DENND5A: variants seen among roughly 807,000 people sequenced by gnomAD.
The protein encoded by DENND5A is DENN domain-containing protein 5A.
DENND5A carries 64 observed loss-of-function variants against 140.3 expected under a neutral mutation model. That is an observed-to-expected ratio of 0.46 (90% confidence interval 0.37 to 0.56). The LOEUF (loss-of-function observed/expected upper bound fraction) is 0.56, where lower values mean the gene tolerates loss of function less well. DENND5A is among the 20% of genes least tolerant of loss of function. The pLI, the probability that DENND5A is intolerant of heterozygous loss-of-function variation, is 0.00. For synonymous variants in DENND5A, 605 were observed against 607.7 expected (o/e 1.00, Z 0.07); for missense variants, 1,292 against 1,593.8 (o/e 0.81, Z 3.22).
At chr11:9,146,176 C>G (rs1266294185) in intron 16 of DENND5A, among the ~76,000 whole-genome samples, 2 of 152,160 alleles carry the variant, frequency 1.3e-5, no homozygotes, top group Non-Finnish European at 2.9e-5. Flanking sequence ...TCTCATGAAC[C>G]CTAATAACAA....
intron 5 of DENND5A, among the ~76,000 whole-genome samples, chr11:9,191,543 T>C (rs1370331938): frequency 6.6e-6 from 1 of 152,176 alleles, no homozygotes; most frequent in Non-Finnish European, 1.5e-5. Context: ...CCCGGCCAAC[T>C]TTTGGGTTTC....
At chr11:9,143,556 A>AGGGC in intron 19 of DENND5A, 71 bp from the exon 20 acceptor site, 1 of 1,296,970 alleles carries the variant, frequency 7.7e-7, no homozygotes, top group Non-Finnish European at 1.1e-6. Context: ...TGAGCAGGAG[A>AGGGC]CTGAGGACAC....
At chr11:9,262,069 TC>T (rs1445976095) in intron 1 of DENND5A, among the ~76,000 whole-genome samples, 3 of 152,192 alleles carry the variant, frequency 2.0e-5, no homozygotes, top group Non-Finnish European at 4.4e-5. Flanking sequence ...TTAACACATA[TC>T]CATTAAGACA....
chr11:9,178,464 G>T (rs57259738), intron 7 of DENND5A, 98 bp from the exon 8 acceptor site: 6 of 728,390 alleles, frequency 8.2e-6, no homozygotes, highest in Non-Finnish European at 1.4e-5. Flanking sequence ...AGGCTGCCTA[G>T]GTCTTTAAGA....
chr11:9,170,131 GA>G (rs1848322961), intron 9 of DENND5A, 182 bp from the exon 10 acceptor site: 1 of 415,240 alleles, frequency 2.4e-6, no homozygotes, highest in Non-Finnish European at 3.2e-6. Context: ...GACTGGACAT[GA>G]GAGAGACACC....
At chr11:9,146,154 T>C (rs1438750087) in intron 16 of DENND5A, among the ~76,000 whole-genome samples, 1 of 152,220 alleles carries the variant, frequency 6.6e-6, no homozygotes, top group Non-Finnish European at 1.5e-5. Flanking sequence ...TAGAGCACTC[T>C]TCAATCTATC....
rs145817013 is a variant in DENND5A at position 9,147,070 on chromosome 11, G to A, written c.2817C>T (p.Ala939=). The change falls in exon 16 of 23, where the codon GCC becomes GCT. Residue 939 remains alanine, a synonymous_variant. Coordinates refer to ENST00000328194, the MANE Select transcript of DENND5A (RefSeq NM_015213.4). ...QFLYHLLSFN[A]VDYFCFTNVF... Reference sequence around the variant, plus strand: ...CATTGGTGAAGCAAAAGTAATCGACGGCATTGAAAGACAGGAGGTGATAGA... The same window carrying A: ...CATTGGTGAAGCAAAAGTAATCGACAGCATTGAAAGACAGGAGGTGATAGA... The A allele has an allele frequency of 1.4e-5, 23 of 1,614,160 alleles. No individual in the cohort carries two copies. In the Middle Eastern group the frequency reaches 6.6e-4, roughly 46 times the overall value.
intron 4 of DENND5A, among the ~76,000 whole-genome samples, chr11:9,196,662 GC>G (rs958956998): frequency 6.6e-6 from 1 of 152,060 alleles, no homozygotes; most frequent in Non-Finnish European, 1.5e-5. Flanking sequence ...CCAGGCTGGA[GC>G]GCAGTGGTGG....
At chr11:9,195,887 T>C (rs550335895) in intron 4 of DENND5A, among the ~76,000 whole-genome samples, 20 of 151,998 alleles carry the variant, frequency 1.3e-4, no homozygotes, top group Non-Finnish European at 2.4e-4. Context: ...AGTGACATTG[T>C]CTCAAAAAAC....
At chr11:9,237,025 T>C (rs1851032115) in intron 1 of DENND5A, among the ~76,000 whole-genome samples, 1 of 151,770 alleles carries the variant, frequency 6.6e-6, no homozygotes, top group South Asian at 2.1e-4. Flanking sequence ...ACAACAGAAA[T>C]ATGGACAAAA....
intron 1 of DENND5A, among the ~76,000 whole-genome samples, chr11:9,241,996 A>G (rs1459948497): frequency 1.4e-5 from 2 of 146,854 alleles, no homozygotes; most frequent in Non-Finnish European, 3.0e-5. Context: ...CCTGGGCAAC[A>G]TGAGCGAAAC....
chr11:9,142,653 A>G, intron 21 of DENND5A, 69 bp downstream of exon 21: 8 of 1,594,404 alleles, frequency 5.0e-6, no homozygotes, highest in African/African-American at 1.3e-5. Flanking sequence ...GTCAGCACCC[A>G]TGCTATGCTG....
chr11:9,178,287 A>C lies in DENND5A; in HGVS notation c.1751T>G (p.Phe584Cys). The C allele has an allele frequency of 2.5e-6, 4 of 1,614,070 alleles. No individual in the cohort carries two copies. Among genetic ancestry groups the C allele is most frequent in the Non-Finnish European group, 2.5e-6 (3 of 1,179,932 alleles). Reference protein sequence around the residue: ...RFLETQMFASFIDNKIMCHDD... With the variant: ...RFLETQMFASCIDNKIMCHDD... ...ATGACACATTATTTTGTTGTCAATG[A>C]AAGATGCAAACATCTGGGTCTCCAG... Residue 584 changes from phenylalanine (F) to cysteine (C), a missense_variant, in exon 8 of 23, where the codon TTC (phenylalanine) becomes TGC (cysteine). Phe to Cys is a radical substitution (Grantham distance 205). Coordinates refer to ENST00000328194, the MANE Select transcript of DENND5A (RefSeq NM_015213.4).
At position 9,265,041 on chromosome 11, in the gene DENND5A, GAGCCCC is replaced by G; in HGVS notation, c.23_28del (p.Gly8_Ser10delinsAla). The G allele has an allele frequency of 6.4e-7, 1 of 1,558,886 alleles. No individual in the cohort carries two copies. The highest frequency in any genetic ancestry group is 8.6e-7 in the Non-Finnish European group (1 of 1,156,140). ...GTAGTCGGCGAAGCGACTGGGCGCC[GAGCCCC>G]CTCCGCCGCCGCCGCCACTCATGGC... On this transcript the variant is annotated inframe_deletion, in exon 1 of 23. Coordinates refer to ENST00000328194, the MANE Select transcript of DENND5A (RefSeq NM_015213.4). This position sits in a 1 kb window ranked among gnomAD's most constrained non-coding sequence, Gnocchi z 4.7.
At chr11:9,187,163 A>G (rs1035931834) in intron 5 of DENND5A, among the ~76,000 whole-genome samples, 3 of 152,182 alleles carry the variant, frequency 2.0e-5, no homozygotes, top group African/African-American at 7.2e-5. Flanking sequence ...TACAATAGTC[A>G]ATTACTAGAC....
In DENND5A at chr11:9,145,755, G is replaced by C. The variant is rs761341071; in HGVS notation, c.2918C>G (p.Ala973Gly). Reference protein sequence around the residue: ...SKKLGGSMFTANPWICISGEL... With the variant: ...SKKLGGSMFTGNPWICISGEL... Reference sequence around the variant, plus strand: ...TCCTGATATACAGATCCATGGGTTGGCAGTGAACATGGAGCCCCCCAGCTT... The same window carrying C: ...TCCTGATATACAGATCCATGGGTTGCCAGTGAACATGGAGCCCCCCAGCTT... The change falls in exon 17 of 23, where the codon GCC (alanine) becomes GGC (glycine). Residue 973 changes from alanine to glycine, a missense_variant. Physicochemically the swap from Ala to Gly is moderately conservative, Grantham distance 60. Coordinates refer to ENST00000328194, the MANE Select transcript of DENND5A (RefSeq NM_015213.4). The C allele has an allele frequency of 1.1e-5, 18 of 1,614,026 alleles. No homozygotes were observed. Among genetic ancestry groups the C allele is most frequent in the Admixed American group, 5.0e-5 (3 of 60,004 alleles).
intron 15 of DENND5A, among the ~76,000 whole-genome samples, chr11:9,148,543 T>C (rs939983886): frequency 6.6e-6 from 1 of 151,974 alleles, no homozygotes; most frequent in African/African-American, 2.4e-5. Flanking sequence ...GCAGTAAAAA[T>C]GGTAAGGAGA....
At chr11:9,142,920 C>T in intron 20 of DENND5A, 75 bp from the exon 21 acceptor site, 1 of 1,580,520 alleles carries the variant, frequency 6.3e-7, no homozygotes. Flanking sequence ...TCCCTAAACC[C>T]ACAGCCCAGA....
chr11:9,213,576 G>A (rs1849963519), intron 1 of DENND5A, among the ~76,000 whole-genome samples: 1 of 151,594 alleles, frequency 6.6e-6, no homozygotes, highest in Admixed American at 6.6e-5. Context: ...GGGAGGCCGA[G>A]GCGGGTGCAT....
Sources: allele counts gnomAD v4.1 joint callset (sites outside exome capture counted in the v4.1 genomes callset), GRCh38; gene constraint gnomAD v4.1.1; non-coding constraint Gnocchi (gnomAD v3.1); transcripts MANE v1.5; gene names NCBI Gene and HGNC (gene_info 2026-07-23, HGNC 2026-07-21).